GPHN: variants seen among roughly 807,000 people sequenced by gnomAD.
GPHN encodes the protein gephyrin.
In GPHN, 17 loss-of-function variants were observed where a neutral mutation model predicts 95.5. That is an observed-to-expected ratio of 0.18 (90% confidence interval 0.12 to 0.27). The LOEUF (loss-of-function observed/expected upper bound fraction) is 0.27, where lower values mean the gene tolerates loss of function less well. Among genes scored for constraint, GPHN ranks in the 10% least tolerant of loss-of-function variants. The pLI is 1.00. For missense variants in GPHN, 660 were observed against 978.1 expected (o/e 0.67, Z 4.34); for synonymous variants, 320 against 322.5 (o/e 0.99, Z 0.08).
intron 21 of GPHN, among the ~76,000 whole-genome samples, chr14:67,177,010 A>G (rs2083006157): frequency 6.6e-6 from 1 of 151,628 alleles, no homozygotes; most frequent in South Asian, 2.1e-4. Flanking sequence ...TATTTTGTTG[A>G]CCTTTTCAAA....
intron 4 of GPHN, among the ~76,000 whole-genome samples, chr14:66,876,671 T>C (rs1010063172): frequency 6.6e-6 from 1 of 151,958 alleles, no homozygotes. Context: ...CCTGGACACA[T>C]ACACCCCCCC....
intron 1 of GPHN, among the ~76,000 whole-genome samples, chr14:66,660,287 A>G (rs1237876513): frequency 1.3e-5 from 2 of 152,206 alleles, no homozygotes; most frequent in African/African-American, 2.4e-5. Flanking sequence ...TATTTTGTAC[A>G]TACATATAGA....
chr14:67,717,118 A>G, the GPHN span, among the ~76,000 whole-genome samples: 5 of 152,274 alleles, frequency 3.3e-5, 1 homozygote, highest in South Asian at 1.0e-3. Context: ...TTCATTAACT[A>G]GAGTTCAATA....
At chr14:66,553,021 G>GTTTT (rs1566591682) in intron 1 of GPHN, among the ~76,000 whole-genome samples, 2 of 142,958 alleles carry the variant, frequency 1.4e-5, no homozygotes, top group African/African-American at 5.3e-5. Context: ...CAAGAGTTTC[G>GTTTT]TTGTTGTTTC....
chr14:67,355,110 C>A, the GPHN span, among the ~76,000 whole-genome samples: 1 of 152,070 alleles, frequency 6.6e-6, no homozygotes, highest in African/African-American at 2.4e-5. Context: ...CCGCACCTGG[C>A]CTGCATTTTT....
chr14:66,573,352 T>C (rs1429990984), intron 1 of GPHN, among the ~76,000 whole-genome samples: 1 of 152,246 alleles, frequency 6.6e-6, no homozygotes, highest in Non-Finnish European at 1.5e-5. Flanking sequence ...CCTGGTAGTA[T>C]TTGTTTACAT....
At chr14:67,306,090 C>G in the GPHN span, among the ~76,000 whole-genome samples, 1 of 152,194 alleles carries the variant, frequency 6.6e-6, no homozygotes, top group Non-Finnish European at 1.5e-5. Flanking sequence ...CTGCTTCAGC[C>G]TCCCTAGTAG....
the GPHN span, chr14:67,651,562 C>T: frequency 2.7e-6 from 4 of 1,490,868 alleles, no homozygotes; most frequent in Middle Eastern, 1.8e-4. Context: ...GACCTGGGAC[C>T]ACGGCTGGAT....
chr14:66,696,402 T>G (rs1364291699), intron 2 of GPHN, among the ~76,000 whole-genome samples: 1 of 152,248 alleles, frequency 6.6e-6, no homozygotes, highest in African/African-American at 2.4e-5. Flanking sequence ...TTCCTCATGC[T>G]AAGTACAACT....
the GPHN span, among the ~76,000 whole-genome samples, chr14:67,390,058 C>T: frequency 6.6e-6 from 1 of 152,154 alleles, no homozygotes; most frequent in Non-Finnish European, 1.5e-5. Context: ...ATACATTGCC[C>T]AAGACAAGGC....
At chr14:67,658,583 C>T in the GPHN span, among the ~76,000 whole-genome samples, 9 of 151,996 alleles carry the variant, frequency 5.9e-5, no homozygotes, top group South Asian at 2.1e-4. Context: ...GGTGACAGAG[C>T]GAGACTCCGT....
the GPHN span, chr14:67,197,316 A>T: frequency 6.6e-6 from 1 of 152,090 alleles, no homozygotes; most frequent in East Asian, 1.9e-4. Context: ...TGAGTTAAAA[A>T]CTTCATCTCC....
intron 2 of GPHN, among the ~76,000 whole-genome samples, chr14:66,772,783 T>G (rs943126389): frequency 2.6e-5 from 4 of 152,188 alleles, no homozygotes; most frequent in Non-Finnish European, 5.9e-5. Context: ...TCAGATATAG[T>G]GTGAAAATGA....
the GPHN span, among the ~76,000 whole-genome samples, chr14:67,329,255 C>T: frequency 6.6e-6 from 1 of 152,140 alleles, no homozygotes; most frequent in Non-Finnish European, 1.5e-5. Flanking sequence ...AATGGGAGTT[C>T]ACTCATGATT....
chr14:67,172,834 T>C (rs1168573331), intron 21 of GPHN, among the ~76,000 whole-genome samples: 1 of 152,102 alleles, frequency 6.6e-6, no homozygotes, highest in Non-Finnish European at 1.5e-5. Flanking sequence ...CTGCACAAAG[T>C]CTGGGATTCT....
chr14:66,871,557 G>A lies in GPHN; in HGVS notation c.295-8382G>A, dbSNP rs778917267. 4.6e-5 allele frequency among the ~76,000 whole-genome samples: 7 copies of A among 152,248 alleles called. 1 individual carries two copies. The highest frequency in any genetic ancestry group is 4.1e-4 in the South Asian group (2 of 4,828). ...ATTTATAACATAGAAGTAGTGTTTC[G>A]TCTTGGTAAGTCTCAAAATCATAAC... On this transcript the variant is annotated intron_variant, in intron 4 of 22. Coordinates refer to ENST00000478722, the MANE Select transcript of GPHN (RefSeq NM_020806.5).
chr14:67,117,654 A>G (rs1567355871), intron 16 of GPHN, among the ~76,000 whole-genome samples: 1 of 152,196 alleles, frequency 6.6e-6, no homozygotes, highest in Non-Finnish European at 1.5e-5. Flanking sequence ...ATAGGCACAC[A>G]ACAATGTGGC....
At chr14:67,674,591 G>GCCGCACCA in the GPHN span, 13 of 946,748 alleles carry the variant, frequency 1.4e-5, no homozygotes, top group African/African-American at 2.1e-4. Context: ...AACGGCGACC[G>GCCGCACCA]CCGCACCACC....
chr14:67,393,142 A>C, the GPHN span: 3 of 1,592,062 alleles, frequency 1.9e-6, no homozygotes, highest in African/African-American at 4.0e-5. Context: ...CCTGGGGGAC[A>C]GGCTCACCGA....
Sources: allele counts gnomAD v4.1 joint callset (sites outside exome capture counted in the v4.1 genomes callset), GRCh38; gene constraint gnomAD v4.1.1; transcripts MANE v1.5; gene names NCBI Gene and HGNC (gene_info 2026-07-23, HGNC 2026-07-21).